Variants in RRP12 observed in about 807,000 individuals in gnomAD.
RRP12 encodes ribosomal RNA processing 12 homolog, also known as RRP12-like protein.
RRP12 carries 78 observed loss-of-function variants against 157.3 expected under a neutral mutation model. The observed-to-expected ratio is 0.50, with a 90% CI of 0.41 to 0.60. The LOEUF is 0.60. RRP12 is among the 20% of genes least tolerant of loss of function. The probability of loss-of-function intolerance (pLI) is 0.00; values close to 1 mark genes in which losing one functional copy is unlikely to be tolerated. For missense variants in RRP12, 1,521 were observed against 1,679.9 expected, an observed-to-expected ratio of 0.91 and a Z score of 1.65; for synonymous variants, 726 against 670.9, an observed-to-expected ratio of 1.08 and a Z score of -1.27.
chr10:97,364,766 G>A (rs1400075991), intron 29 of RRP12, among the ~76,000 whole-genome samples: 1 of 152,112 alleles, frequency 6.6e-6, no homozygotes, highest in Non-Finnish European at 1.5e-5. Context: ...CTCTGGGCTT[G>A]GCAGGAGTTC....
intron 1 of RRP12, 65 bp from the exon 2 acceptor site, chr10:97,400,599 T>C: frequency 7.3e-7 from 1 of 1,378,370 alleles, no homozygotes; most frequent in Non-Finnish European, 1.0e-6. Flanking sequence ...GAACAACCCC[T>C]GGGAAACAAA....
In RRP12 at chr10:97,373,722, G is replaced by T. The variant is rs765361093; in HGVS notation, c.1879C>A (p.Pro627Thr). Residue 627 changes from proline to threonine, a missense_variant, in exon 17 of 34, where the codon CCT becomes ACT. Transcript: ENST00000370992. ...TLQWQMWTLLPGFCTRPTDVA... is the reference protein window; with the variant it reads ...TLQWQMWTLLTGFCTRPTDVA... Reference sequence around the variant, plus strand: ...TCTGTAGGCCTTGTGCAGAACCCAGGCAGGAGTGTCCACATCTGGAGAAGG... The same window carrying T: ...TCTGTAGGCCTTGTGCAGAACCCAGTCAGGAGTGTCCACATCTGGAGAAGG... 1.2e-6 allele frequency: 2 copies of T among 1,613,202 alleles called. No individual in the cohort carries two copies. The highest frequency in any genetic ancestry group is 3.3e-5 in the Admixed American group (2 of 59,988).
rs1844010159 is a variant in RRP12 at position 97,367,101 on chromosome 10, A to G, written c.2987T>C (p.Met996Thr). ...AAGCTTCATGCGGAAGTGCCGCCGC[A>G]TGTCATCTGAAAGCTTCCCAATGGC... is the stretch of plus-strand genomic sequence containing the variant. ...MEAIGKLSDD[M>T]RRHFRMKLRN... The change falls in exon 26 of 34, where the codon ATG (methionine) becomes ACG (threonine). Residue 996 changes from methionine to threonine, a missense_variant. Transcript: ENST00000370992. The G allele has an allele frequency of 6.2e-7, 1 of 1,614,174 alleles. No homozygotes were observed. Among genetic ancestry groups the G allele is most frequent in the Non-Finnish European group, 8.5e-7 (1 of 1,180,028 alleles).
intron 9 of RRP12, 25 bp from the exon 10 acceptor site, chr10:97,385,282 C>T (rs1375182671): frequency 1.3e-6 from 2 of 1,575,454 alleles, no homozygotes; most frequent in African/African-American, 1.3e-5. Flanking sequence ...AAGCAGGTGA[C>T]TGAGCATGCA....
chr10:97,393,860 G>A (rs1298667865), intron 3 of RRP12, 100 bp from the exon 4 acceptor site: 5 of 900,882 alleles, frequency 5.6e-6, no homozygotes, highest in Non-Finnish European at 7.1e-6. Flanking sequence ...AGTTGTGACT[G>A]AGAACCACGG....
Position 97,380,926 on chromosome 10 carries a change from C to T in RRP12, c.1419-13G>A, listed in dbSNP as rs746262150. On this transcript the variant is annotated splice_polypyrimidine_tract_variant and intron_variant, in intron 12 of 33. Coordinates refer to ENST00000370992, the MANE Select transcript of RRP12 (RefSeq NM_015179.4). ...CTCCTCCACTGCCCTGCCAAGGGGG[C>T]GGCACAGTCAGGGCCACGGTCACAC... 27 of 1,604,962 alleles carry T rather than the reference C, an allele frequency of 1.7e-5. No homozygotes were observed. The highest frequency in any genetic ancestry group is 2.2e-5 in the East Asian group (1 of 44,832).
chr10:97,367,030 A>T lies in RRP12; in HGVS notation c.3047+11T>A. The T allele has an allele frequency of 6.2e-7, 1 of 1,613,872 alleles. No individual in the cohort carries two copies. Among genetic ancestry groups the T allele is most frequent in the Non-Finnish European group, 8.5e-7 (1 of 1,179,754 alleles). On this transcript the variant is annotated intron_variant, in intron 26 of 33. Coordinates refer to ENST00000370992, the MANE Select transcript of RRP12 (RefSeq NM_015179.4). ...GCTTGCCCTACCCCCGCCCCTGCTC[A>T]GTGCACAGACCCAAACTTGCGGATG...
Position 97,385,256 on chromosome 10 carries a change from G to A in RRP12, c.1118C>T (p.Ala373Val), listed in dbSNP as rs1337912655. 1.2e-6 allele frequency: 2 copies of A among 1,612,876 alleles called. No individual in the cohort carries two copies. Among genetic ancestry groups the A allele is most frequent in the African/African-American group, 1.3e-5 (1 of 74,918 alleles). Residue 373 changes from alanine (A) to valine (V), a missense_variant and splice_region_variant, in exon 10 of 34, where the codon GCC becomes GTC. Ala to Val is a moderately conservative substitution (Grantham distance 64). Transcript: ENST00000370992. The stretch of plus-strand genomic sequence containing the variant: ...CTCACTGGGAACATAGTCGTACAGG[G>A]CCTAAAAGTGGGAATAAGCAGGTGA... The part of the protein sequence containing the change: ...SAELNAQIIT[A>V]LYDYVPSEND...
chr10:97,388,817 A>C lies in RRP12; in HGVS notation c.754-193T>G, dbSNP rs545318181. Among the ~76,000 whole-genome samples, 10 of 152,344 alleles carry C rather than the reference A, an allele frequency of 6.6e-5. No homozygotes were observed. The East Asian group carries it at 1.7e-3, about 26-fold the overall frequency. On this transcript the variant is annotated intron_variant, in intron 6 of 33. Coordinates refer to ENST00000370992, the MANE Select transcript of RRP12 (RefSeq NM_015179.4). ...TGAGCTGTGAAGCAAGACAAACCTC[A>C]GTTCAAATCCCTGCTCTACAACTAA...
chr10:97,381,675 C>A, intron 11 of RRP12, 40 bp downstream of exon 11: 5 of 1,537,082 alleles, frequency 3.3e-6, no homozygotes, highest in African/African-American at 1.4e-5. Flanking sequence ...GCCCATAGAA[C>A]CCCCTGTGCT....
At chr10:97,380,370 G>A (rs1372797641) in intron 13 of RRP12, among the ~76,000 whole-genome samples, 2 of 152,186 alleles carry the variant, frequency 1.3e-5, no homozygotes, top group East Asian at 1.9e-4. Flanking sequence ...CCTGGACTAC[G>A]GTCTGCTCAG....
rs1373077704 is a variant in RRP12, at chr10:97,379,273, C to T, written c.1798+20G>A. 6.2e-7 allele frequency: 1 copy of T among 1,612,910 alleles called. No individual in the cohort carries two copies. The highest frequency in any genetic ancestry group is 1.3e-5 in the African/African-American group (1 of 75,020). On this transcript the variant is annotated intron_variant, in intron 15 of 33. Coordinates refer to ENST00000370992, the MANE Select transcript of RRP12 (RefSeq NM_015179.4). ...ACTGTGGGGAGCCTCAGGTCACACA[C>T]AGGCAAGGGTCTCTCCTACCTTTGC... is the stretch of plus-strand genomic sequence containing the variant.
rs1170337609 is a variant in RRP12 at position 97,383,513 on chromosome 10, G to A, written c.1208+1653C>T. Reference sequence around the variant, plus strand: ...CAGGCTGCCTGGGTGAGGGCAGGCCGTTGGAACCCTTAGCTGAGAAGACAA... The same window carrying A: ...CAGGCTGCCTGGGTGAGGGCAGGCCATTGGAACCCTTAGCTGAGAAGACAA... On this transcript the variant is annotated intron_variant, in intron 10 of 33. Transcript: ENST00000370992. Among the ~76,000 whole-genome samples the A allele has an allele frequency of 2.6e-5, 4 of 152,320 alleles. No individual in the cohort carries two copies. The South Asian group carries it at 6.2e-4, about 24-fold the overall frequency.
At chr10:97,394,178 TA>T (rs1389687260) in intron 3 of RRP12, among the ~76,000 whole-genome samples, 2 of 151,776 alleles carry the variant, frequency 1.3e-5, no homozygotes, top group African/African-American at 4.8e-5. Context: ...CCGTCTCTAC[TA>T]AAAAATACAA....
At chr10:97,362,336 AG>A (rs1349876818) in intron 30 of RRP12, among the ~76,000 whole-genome samples, 5 of 152,188 alleles carry the variant, frequency 3.3e-5, no homozygotes, top group African/African-American at 1.2e-4. Context: ...GGATCTGCAA[AG>A]CCACATGTGA....
chr10:97,373,210 G>A lies in RRP12; in HGVS notation c.2027-10C>T. ...TCAGCACGGTCAGCCTCTGGTAAAA[G>A]GATCAAAGTTTGCACTAAAGGCACA... On this transcript the variant is annotated splice_polypyrimidine_tract_variant and intron_variant, in intron 17 of 33. Transcript: ENST00000370992. 5 of 1,613,602 alleles carry A rather than the reference G, an allele frequency of 3.1e-6. No homozygotes were observed. The highest frequency in any genetic ancestry group is 4.2e-6 in the Non-Finnish European group (5 of 1,179,686).
intron 2 of RRP12, among the ~76,000 whole-genome samples, chr10:97,398,808 C>T (rs951454042): frequency 7.9e-5 from 12 of 151,928 alleles, no homozygotes; most frequent in African/African-American, 2.9e-4. Context: ...TAAATAGACA[C>T]AAATCAAGTA....
chr10:97,388,707 T>C (rs1844710541), intron 6 of RRP12, 83 bp from the exon 7 acceptor site: 7 of 1,522,618 alleles, frequency 4.6e-6, no homozygotes, highest in Admixed American at 1.9e-5. Flanking sequence ...ACCAACCAAT[T>C]AGCTTTGGCT....
At position 97,385,162 on chromosome 10, in the gene RRP12, G is replaced by A. The variant is rs757483104; in HGVS notation, c.1208+4C>T. 19 of 1,610,406 alleles carry A rather than the reference G, an allele frequency of 1.2e-5. No individual in the cohort carries two copies. The highest frequency in any genetic ancestry group is 3.4e-4 in the Middle Eastern group (2 of 5,938). ...GGCCCTAAGCACCCCTCCTTCATCC[G>A]TACCTCACCAGGTTGATGTGGGCTT... On this transcript the variant is annotated splice_donor_region_variant and intron_variant, in intron 10 of 33. Coordinates refer to ENST00000370992, the MANE Select transcript of RRP12 (RefSeq NM_015179.4).
Sources: gnomAD v4.1 joint callset for allele counts (sites outside exome capture counted in the v4.1 genomes callset) on GRCh38, gnomAD v4.1.1 for gene constraint, MANE v1.5 for transcripts, NCBI Gene and HGNC (gene_info 2026-07-23, HGNC 2026-07-21) for gene names.